The following BCL7A variants were observed in gnomAD, a reference collection of about 807,000 sequenced individuals.
The protein encoded by BCL7A is B-cell CLL/lymphoma 7 protein family member A.
In BCL7A, 11 loss-of-function variants were observed where a neutral mutation model predicts 28.4. The ratio of observed to expected loss-of-function variants is 0.39; its 90% CI spans 0.24 to 0.64. BCL7A has a LOEUF of 0.64. Among genes scored for constraint, BCL7A ranks in the 30% least tolerant of loss-of-function variants. The pLI is 0.50. For synonymous variants in BCL7A, 123 were observed against 103.3 expected (o/e 1.19, Z -1.15); for missense variants, 222 against 274.8 (o/e 0.81, Z 1.36).
At chr12:122,034,049 G>T (rs1237764931) in intron 2 of BCL7A, among the ~76,000 whole-genome samples, 1 of 149,980 alleles carries the variant, frequency 6.7e-6, no homozygotes, top group African/African-American at 2.5e-5. Flanking sequence ...AACCAGTGTT[G>T]CCAGGTTTTG....
intron 5 of BCL7A, among the ~76,000 whole-genome samples, chr12:122,055,977 A>C (rs1304972405): frequency 1.3e-5 from 2 of 151,828 alleles, no homozygotes; most frequent in African/African-American, 4.8e-5. Context: ...ACCCCATGGA[A>C]CCCCCTCCAC....
chr12:122,024,139 G>A (rs527535027), intron 1 of BCL7A, among the ~76,000 whole-genome samples: 4 of 152,338 alleles, frequency 2.6e-5, no homozygotes, highest in Admixed American at 2.0e-4. Context: ...CAGGCCTGTA[G>A]TTGGAGCTTG....
chr12:122,055,317 C>T (rs542121242), intron 5 of BCL7A, among the ~76,000 whole-genome samples: 20 of 152,190 alleles, frequency 1.3e-4, no homozygotes, highest in African/African-American at 4.6e-4. Flanking sequence ...GGGCCTCCGA[C>T]GGAGCGGTGC....
intron 4 of BCL7A, among the ~76,000 whole-genome samples, chr12:122,045,875 GC>G (rs1185283545): frequency 6.6e-6 from 1 of 151,710 alleles, no homozygotes; most frequent in Non-Finnish European, 1.5e-5. Context: ...GATCTTTTGA[GC>G]CCAGGAGTTC....
chr12:122,023,390 G>C (rs1330566490), intron 1 of BCL7A, among the ~76,000 whole-genome samples: 1 of 152,282 alleles, frequency 6.6e-6, no homozygotes, highest in African/African-American at 2.4e-5. Context: ...GGATGTTTAC[G>C]TTTGGGGGTG....
In BCL7A at chr12:122,025,495, C is replaced by T. The variant is rs558789038; in HGVS notation, c.92+3312C>T. ...CAAAAAAATTAGCCAGGCGTGGTGG[C>T]GGGCGCCTGTAGTCCCAGCTACTTG... On this transcript the variant is annotated intron_variant, in intron 1 of 5. Coordinates refer to ENST00000261822, the MANE Select transcript of BCL7A (RefSeq NM_001024808.3). Among the ~76,000 whole-genome samples the T allele has an allele frequency of 2.0e-3, 309 of 151,546 alleles. 2 individuals are homozygous for T. Among genetic ancestry groups the T allele is most frequent in the Non-Finnish European group, 3.6e-3 (241 of 67,880 alleles).
intron 5 of BCL7A, 186 bp downstream of exon 5, chr12:122,055,112 C>A: frequency 8.0e-7 from 1 of 1,243,048 alleles, no homozygotes; most frequent in Non-Finnish European, 1.1e-6. Context: ...GGCTCTGGGG[C>A]CGAGGGATAA....
chr12:122,022,005 CGGCG>C lies in BCL7A; in HGVS notation c.-78_-75del. ...GAGTGTCTGTGCGCGAGTGAGTGAG[CGGCG>C]GGCGGGCGCGAGTGTGGCCGCCGCG... On this transcript the variant is annotated 5_prime_UTR_variant, in exon 1 of 6. Transcript: ENST00000261822. The C allele has an allele frequency of 8.9e-7, 1 of 1,124,896 alleles. No homozygotes were observed. The highest frequency in any genetic ancestry group is 1.3e-6 in the Non-Finnish European group (1 of 792,122). 69.7% of individuals were successfully genotyped at this position (1,124,896 alleles called of 1,614,324 possible). A position where few individuals can be genotyped will look rare whatever the true frequency, so the allele number is the denominator to read the frequency against.
chr12:122,034,788 C>T (rs1883816935), intron 2 of BCL7A, among the ~76,000 whole-genome samples: 1 of 151,840 alleles, frequency 6.6e-6, no homozygotes, highest in African/African-American at 2.4e-5. Context: ...GCATCCCCAT[C>T]CTCCCTCCTT....
chr12:122,037,461 C>T (rs139106674), intron 3 of BCL7A, among the ~76,000 whole-genome samples: 1 of 152,288 alleles, frequency 6.6e-6, no homozygotes, highest in East Asian at 1.9e-4. Flanking sequence ...GTGCTCAAAT[C>T]GACCTGTCTG....
intron 1 of BCL7A, among the ~76,000 whole-genome samples, chr12:122,023,418 C>G (rs1183282044): frequency 6.6e-6 from 1 of 152,116 alleles, no homozygotes; most frequent in East Asian, 1.9e-4. Flanking sequence ...TCGAGTAGCG[C>G]CTCGGTCTCT....
rs923427515 is a variant in BCL7A, at chr12:122,029,885, G to A, written c.93-815G>A. Among the ~76,000 whole-genome samples, 2 of 152,180 alleles carry A rather than the reference G, an allele frequency of 1.3e-5. No individual in the cohort carries two copies. The highest frequency in any genetic ancestry group is 4.8e-5 in the African/African-American group (2 of 41,440). On this transcript the variant is annotated intron_variant, in intron 1 of 5. Transcript: ENST00000261822. This position sits in a 1 kb window ranked among gnomAD's most constrained non-coding sequence, Gnocchi z 4.3. ...AATGACAGTGGCTCGGAGCAGAGTG[G>A]TGGTGGTGGAGGAGAGGGTGGGCAT...
chr12:122,037,771 G>T (rs1189315742), intron 3 of BCL7A, among the ~76,000 whole-genome samples: 2 of 151,724 alleles, frequency 1.3e-5, no homozygotes, highest in African/African-American at 4.8e-5. Context: ...ACATGGAGAA[G>T]CCCTGTCTCT....
In BCL7A at chr12:122,059,106, G is replaced by A. The variant is rs979859020; in HGVS notation, c.576G>A (p.Val192=). The A allele has an allele frequency of 6.2e-7, 1 of 1,610,752 alleles. No homozygotes were observed. The highest frequency in any genetic ancestry group is 8.5e-7 in the Non-Finnish European group (1 of 1,177,060). The part of the protein sequence containing the change: ...TSAISQDLEG[V]PPSKKMKLEA... ...CTCTCCCCAAGGATTTGGAAGGAGTGCCACCCTCTAAAAAGATGAAACTGG... is the reference window on the plus strand; with the variant it reads ...CTCTCCCCAAGGATTTGGAAGGAGTACCACCCTCTAAAAAGATGAAACTGG... Residue 192 remains valine (V), a synonymous_variant, in exon 6 of 6, where the codon GTG becomes GTA. Transcript: ENST00000261822. The surrounding 1 kb of genome is among the most constrained non-coding windows in gnomAD (Gnocchi z 4.0).
At position 122,029,013 on chromosome 12, in the gene BCL7A, C is replaced by T. The variant is rs144612445; in HGVS notation, c.93-1687C>T. Among the ~76,000 whole-genome samples the T allele has an allele frequency of 6.9e-3, 1,048 of 152,240 alleles. 4 individuals are homozygous for T. The highest frequency in any genetic ancestry group is 0.012 in the Non-Finnish European group (816 of 68,026). ...ACTTAGACACTCGTCTTTCCTGCAT[C>T]GTTTCTGGGTGAAAAGGTGCAAGGA... is the stretch of plus-strand genomic sequence containing the variant. On this transcript the variant is annotated intron_variant, in intron 1 of 5. Transcript: ENST00000261822. The surrounding 1 kb of genome is among the most constrained non-coding windows in gnomAD (Gnocchi z 4.3).
Position 122,043,908 on chromosome 12 carries a change from C to T in BCL7A, c.294C>T (p.Ser98=). ...DMHDDNSNQS[S]IADASPIKQE... ...CAGACGATAACAGCAACCAGAGCTC[C>T]ATCGCAGATGCCTCCCCCATCAAAC... Residue 98 remains serine, a synonymous_variant, in exon 4 of 6, where the codon TCC becomes TCT. Transcript: ENST00000261822. The T allele has an allele frequency of 2.5e-6, 4 of 1,613,746 alleles. No homozygotes were observed. Among genetic ancestry groups the T allele is most frequent in the Middle Eastern group, 1.6e-4 (1 of 6,062 alleles).
intron 5 of BCL7A, 101 bp from the exon 6 acceptor site, chr12:122,058,991 C>A: frequency 9.9e-7 from 1 of 1,007,682 alleles, no homozygotes; most frequent in Non-Finnish European, 1.5e-6. Context: ...ACAAAGCCGC[C>A]CCCGCTCGGT....
At chr12:122,025,330 A>C (rs1883598006) in intron 1 of BCL7A, among the ~76,000 whole-genome samples, 1 of 152,018 alleles carries the variant, frequency 6.6e-6, no homozygotes, top group South Asian at 2.1e-4. Flanking sequence ...AAAAAAAAGA[A>C]AAAGAAAAAA....
intron 1 of BCL7A, among the ~76,000 whole-genome samples, chr12:122,028,884 C>T (rs985924293): frequency 1.3e-5 from 2 of 152,140 alleles, no homozygotes; most frequent in African/African-American, 2.4e-5. Context: ...CAGGAGCACT[C>T]GGTCTCTTCT....
Sources: allele counts gnomAD v4.1 joint callset (sites outside exome capture counted in the v4.1 genomes callset), GRCh38; gene constraint gnomAD v4.1.1; non-coding constraint Gnocchi (gnomAD v3.1); transcripts MANE v1.5; gene names NCBI Gene and HGNC (gene_info 2026-07-23, HGNC 2026-07-21).